EPB41: variants seen among roughly 807,000 people sequenced by gnomAD.
The protein encoded by EPB41 is protein 4.1.
In EPB41, 65 loss-of-function variants were observed where a neutral mutation model predicts 108.0. That is an observed-to-expected ratio of 0.60 (90% CI 0.49 to 0.74). The LOEUF (loss-of-function observed/expected upper bound fraction) is 0.74, where lower values mean the gene tolerates loss of function less well. EPB41 is among the 30% of genes least tolerant of loss of function. EPB41 has a pLI of 0.00. For synonymous variants in EPB41, 336 were observed against 358.9 expected (o/e 0.94, Z 0.72); for missense variants, 875 against 1,037.0 (o/e 0.84, Z 2.15).
chr1:29,074,809 G>A (rs1244600516), intron 16 of EPB41, among the ~76,000 whole-genome samples: 1 of 152,184 alleles, frequency 6.6e-6, no homozygotes, highest in Non-Finnish European at 1.5e-5. Context: ...TTGAATAATA[G>A]CCTAACTAAA....
chr1:29,019,711 G>A (rs1397188110), intron 7 of EPB41, among the ~76,000 whole-genome samples: 1 of 152,162 alleles, frequency 6.6e-6, no homozygotes. Flanking sequence ...GAGCCATCTT[G>A]TTCTCCTTGG....
intron 1 of EPB41, among the ~76,000 whole-genome samples, chr1:28,892,021 A>AGGC (rs201083230): frequency 0.024 from 3,283 of 137,276 alleles, 46 homozygotes; most frequent in Middle Eastern, 0.065. Flanking sequence ...TGAACCGAGG[A>AGGC]GGCGGAGGTT....
In EPB41 at chr1:28,993,366, G is replaced by A; in HGVS notation, c.505G>A (p.Glu169Lys). ...QEELREDPDF[E>K]IKEGEGLEEC... ...AGAACTCAGAGAAGATCCAGATTTTGAAATTAAGGAAGGAGAAGGACTTGA... is the reference window on the plus strand; with the variant it reads ...AGAACTCAGAGAAGATCCAGATTTTAAAATTAAGGAAGGAGAAGGACTTGA... Residue 169 changes from glutamate to lysine, a missense_variant, in exon 3 of 21, where the codon GAA (glutamate) becomes AAA (lysine). Physicochemically the swap from Glu to Lys is moderately conservative, Grantham distance 56 (BLOSUM62 1). This residue lies in a region of EPB41 where 353 missense variants were observed against 393.2 expected (regional missense o/e 0.90). Transcript: ENST00000343067. 6.2e-7 allele frequency: 1 copy of A among 1,613,354 alleles called. No individual in the cohort carries two copies. Among genetic ancestry groups the A allele is most frequent in the South Asian group, 1.1e-5 (1 of 91,048 alleles).
intron 6 of EPB41, among the ~76,000 whole-genome samples, chr1:29,016,427 G>C (rs2096580237): frequency 1.3e-5 from 2 of 150,512 alleles, no homozygotes; most frequent in Admixed American, 1.3e-4. Context: ...AACCTCAGGT[G>C]ATCTGCTTGC....
At chr1:28,935,352 T>C (rs1037498883) in intron 1 of EPB41, among the ~76,000 whole-genome samples, 2 of 148,712 alleles carry the variant, frequency 1.3e-5, no homozygotes, top group African/African-American at 5.0e-5. Context: ...CAAGAATTGC[T>C]TGAGCCTGAG....
intron 7 of EPB41, among the ~76,000 whole-genome samples, chr1:29,028,520 T>C (rs2096749805): frequency 6.6e-6 from 1 of 152,222 alleles, no homozygotes; most frequent in Non-Finnish European, 1.5e-5. Context: ...CGCATTATTA[T>C]GATTCTCGTT....
intron 1 of EPB41, among the ~76,000 whole-genome samples, chr1:28,974,799 TG>T (rs1416526696): frequency 1.4e-5 from 2 of 147,174 alleles, no homozygotes; most frequent in Admixed American, 6.7e-5. Context: ...GTTTTGTTTT[TG>T]TTTTTTTTTT....
At chr1:29,056,843 T>C (rs1645554370) in intron 12 of EPB41, among the ~76,000 whole-genome samples, 1 of 152,070 alleles carries the variant, frequency 6.6e-6, no homozygotes, top group African/African-American at 2.4e-5. Flanking sequence ...ATTCTTAAAC[T>C]GAAGTAGAGG....
chr1:29,003,752 A>G (rs1037802268), intron 4 of EPB41, among the ~76,000 whole-genome samples: 3 of 152,172 alleles, frequency 2.0e-5, no homozygotes, highest in African/African-American at 7.2e-5. Context: ...GCCTATTGCT[A>G]GGGTCTGGCA....
intron 7 of EPB41, among the ~76,000 whole-genome samples, chr1:29,026,645 T>G (rs1487197971): frequency 6.6e-6 from 1 of 152,160 alleles, no homozygotes; most frequent in Non-Finnish European, 1.5e-5. Flanking sequence ...ATTTTAAGGC[T>G]GGGCATGGTG....
rs1296750217 is a variant in EPB41 at position 29,011,918 on chromosome 1, A to G, written c.829+11A>G. ...AAAAGCAGGTTCGTGGTAAGTGGATATAGCTCTTTTTATAGTTCTTTCTTT... is the reference window on the plus strand; with the variant it reads ...AAAAGCAGGTTCGTGGTAAGTGGATGTAGCTCTTTTTATAGTTCTTTCTTT... On this transcript the variant is annotated intron_variant, in intron 5 of 20. Transcript: ENST00000343067. 4 of 1,613,916 alleles carry G rather than the reference A, an allele frequency of 2.5e-6. No individual in the cohort carries two copies. Among genetic ancestry groups the G allele is most frequent in the Non-Finnish European group, 3.4e-6 (4 of 1,179,932 alleles).
intron 16 of EPB41, among the ~76,000 whole-genome samples, chr1:29,085,944 C>A (rs529177667): frequency 1.5e-4 from 23 of 152,172 alleles, no homozygotes; most frequent in Non-Finnish European, 5.9e-5. Context: ...ATACCAGTTA[C>A]TAGCTTATAA....
intron 1 of EPB41, among the ~76,000 whole-genome samples, chr1:28,973,988 T>C (rs1442260667): frequency 6.6e-6 from 1 of 152,270 alleles, no homozygotes; most frequent in Non-Finnish European, 1.5e-5. Context: ...CAGCAGCTCT[T>C]GAAATTTGTT....
At chr1:28,975,503 C>T (rs1298221126) in intron 1 of EPB41, among the ~76,000 whole-genome samples, 1 of 152,142 alleles carries the variant, frequency 6.6e-6, no homozygotes, top group Non-Finnish European at 1.5e-5. Context: ...GAATTTCCCT[C>T]TGTCTCTAGC....
At chr1:29,103,817 G>A (rs561198316) in intron 17 of EPB41, among the ~76,000 whole-genome samples, 2 of 152,166 alleles carry the variant, frequency 1.3e-5, no homozygotes, top group East Asian at 1.9e-4. Flanking sequence ...ACAGGCATGC[G>A]CCCCCATGCC....
At chr1:29,049,310 A>G (rs760561397) in intron 11 of EPB41, among the ~76,000 whole-genome samples, 1 of 152,344 alleles carries the variant, frequency 6.6e-6, no homozygotes, top group East Asian at 1.9e-4. Flanking sequence ...AAGAGAAAAC[A>G]TTTAGGAATT....
intron 18 of EPB41, chr1:29,109,732 T>TA (rs2151681455): frequency 2.3e-6 from 1 of 430,684 alleles, no homozygotes; most frequent in African/African-American, 2.0e-5. Context: ...GCTGTGGAAG[T>TA]AAGTTTAAAA....
At chr1:28,952,998 G>A (rs1374500788) in intron 1 of EPB41, among the ~76,000 whole-genome samples, 1 of 152,090 alleles carries the variant, frequency 6.6e-6, no homozygotes, top group Non-Finnish European at 1.5e-5. Context: ...CAAAGTGCCG[G>A]GATTACAGGC....
rs1247210131 is a variant in EPB41 at position 29,039,425 on chromosome 1, A to C, written c.1635A>C (p.Gly545=). The change falls in exon 11 of 21, where the codon GGA becomes GGC. Residue 545 remains glycine (G), a splice_region_variant and synonymous_variant. Coordinates refer to ENST00000343067, the MANE Select transcript of EPB41 (RefSeq NM_001376013.1). ...AACGGGCGTCCCGGAGCCTCGATGG[A>C]GGTTTGTATTGAATATTAATGATTT... The part of the protein sequence containing the change: ...ASKRASRSLD[G]AAAVDSADRS... 3 of 1,613,726 alleles carry C rather than the reference A, an allele frequency of 1.9e-6. No individual in the cohort carries two copies. The South Asian group carries it at 3.3e-5, about 18-fold the overall frequency.
Sources: gnomAD v4.1 joint callset for allele counts (sites outside exome capture counted in the v4.1 genomes callset) on GRCh38, gnomAD v4.1.1 for gene constraint, gnomAD v4.1.1 regional missense constraint, MANE v1.5 for transcripts, NCBI Gene and HGNC (gene_info 2026-07-23, HGNC 2026-07-21) for gene names.